Variants in CFAP299 observed in about 807,000 individuals in gnomAD.
CFAP299 encodes the protein cilia and flagella associated protein 299, also known as cilia- and flagella-associated protein 299.
CFAP299 carries 21 observed loss-of-function variants against 27.0 expected under a neutral mutation model. The ratio of observed to expected loss-of-function variants is 0.78; its 90% CI spans 0.55 to 1.12. The LOEUF (loss-of-function observed/expected upper bound fraction) is 1.12. Ranked by LOEUF, CFAP299 falls within the 50% of genes most tolerant of loss-of-function variation. The probability of loss-of-function intolerance (pLI) is 0.00; values close to 1 mark genes in which losing one functional copy is unlikely to be tolerated. For missense variants in CFAP299, 310 were observed against 276.6 expected (o/e 1.12, Z -0.86); for synonymous variants, 104 against 98.1 (o/e 1.06, Z -0.36).
At chr4:80,341,588 A>G (rs1477144660) in intron 1 of CFAP299, among the ~76,000 whole-genome samples, 7 of 152,198 alleles carry the variant, frequency 4.6e-5, no homozygotes, top group South Asian at 4.1e-4. Flanking sequence ...AAGCAGCCCT[A>G]TGGAAGAATG....
intron 3 of CFAP299, among the ~76,000 whole-genome samples, chr4:80,647,454 G>A (rs1740081501): frequency 6.6e-6 from 1 of 151,964 alleles, no homozygotes; most frequent in African/African-American, 2.4e-5. Flanking sequence ...TTTAAGATGT[G>A]GAGTCCAAAT....
At chr4:80,616,157 C>T (rs563822392) in intron 3 of CFAP299, among the ~76,000 whole-genome samples, 16 of 152,262 alleles carry the variant, frequency 1.1e-4, no homozygotes, top group African/African-American at 3.6e-4. Flanking sequence ...GTCTTCCCAA[C>T]TCAACTGTAA....
intron 1 of CFAP299, among the ~76,000 whole-genome samples, chr4:80,362,516 A>AC (rs1723600096): frequency 6.6e-6 from 1 of 150,972 alleles, no homozygotes; most frequent in South Asian, 2.1e-4. Context: ...AGCAATTGAC[A>AC]TTTTTTTTTC....
At chr4:80,704,374 A>C (rs1467520347) in intron 3 of CFAP299, among the ~76,000 whole-genome samples, 1 of 151,686 alleles carries the variant, frequency 6.6e-6, no homozygotes, top group African/African-American at 2.4e-5. Flanking sequence ...TGGTCACTTA[A>C]GAAGAGTAGA....
chr4:80,435,312 G>C lies in CFAP299; in HGVS notation c.242+72428G>C, dbSNP rs994665750. On this transcript the variant is annotated intron_variant, in intron 2 of 5. Transcript: ENST00000358105. ...CCTGAATGTATCTTCCATCCAGAGAGGGGGTGAGCAAGCACACAGGGTAAT... is the reference window on the plus strand; with the variant it reads ...CCTGAATGTATCTTCCATCCAGAGACGGGGTGAGCAAGCACACAGGGTAAT... Among the ~76,000 whole-genome samples the C allele has an allele frequency of 4.6e-5, 7 of 152,150 alleles. No homozygotes were observed. The East Asian group carries it at 1.4e-3, about 29-fold the overall frequency.
chr4:80,610,374 G>A (rs1737904010), intron 3 of CFAP299, among the ~76,000 whole-genome samples: 1 of 151,966 alleles, frequency 6.6e-6, no homozygotes, highest in South Asian at 2.1e-4. Context: ...TCACATTTAA[G>A]AAAGCAAGAG....
At chr4:80,846,674 A>T (rs1381363640) in intron 3 of CFAP299, among the ~76,000 whole-genome samples, 1 of 152,100 alleles carries the variant, frequency 6.6e-6, no homozygotes, top group Non-Finnish European at 1.5e-5. Context: ...AGTGGTTTTA[A>T]CCCATAATTA....
chr4:80,337,812 C>G (rs1476859952), intron 1 of CFAP299, among the ~76,000 whole-genome samples: 1 of 152,024 alleles, frequency 6.6e-6, no homozygotes, highest in East Asian at 1.9e-4. Flanking sequence ...TTTTGTTGTA[C>G]TTTCATAAAA....
At chr4:80,792,193 C>T (rs557372616) in intron 3 of CFAP299, among the ~76,000 whole-genome samples, 1 of 152,110 alleles carries the variant, frequency 6.6e-6, no homozygotes, top group South Asian at 2.1e-4. Context: ...TCCTTGGTAG[C>T]ACTGAGGTGT....
chr4:80,599,749 C>T (rs916326804), intron 3 of CFAP299, among the ~76,000 whole-genome samples: 9 of 151,932 alleles, frequency 5.9e-5, no homozygotes, highest in Non-Finnish European at 1.0e-4. Flanking sequence ...ACTGTTACAC[C>T]CACAGGGAAT....
chr4:80,366,179 C>A (rs1371885109), intron 2 of CFAP299, among the ~76,000 whole-genome samples: 1 of 152,200 alleles, frequency 6.6e-6, no homozygotes, highest in Non-Finnish European at 1.5e-5. Context: ...TGAAAATATG[C>A]ATGAACATCT....
At chr4:80,621,953 A>G (rs956540501) in intron 3 of CFAP299, among the ~76,000 whole-genome samples, 2 of 152,090 alleles carry the variant, frequency 1.3e-5, no homozygotes, top group Non-Finnish European at 1.5e-5. Flanking sequence ...CAGTTAGAAG[A>G]AAAACCAGTA....
At chr4:80,806,915 A>T (rs1728893386) in intron 3 of CFAP299, among the ~76,000 whole-genome samples, 1 of 152,204 alleles carries the variant, frequency 6.6e-6, no homozygotes, top group South Asian at 2.1e-4. Context: ...TTAACCATTT[A>T]AAGATGTTAG....
intron 2 of CFAP299, among the ~76,000 whole-genome samples, chr4:80,422,963 A>G (rs1197029928): frequency 6.6e-6 from 1 of 152,178 alleles, no homozygotes; most frequent in Non-Finnish European, 1.5e-5. Flanking sequence ...GCCCCTACAA[A>G]CCTACACAGC....
chr4:80,729,760 T>C (rs953446862), intron 3 of CFAP299, among the ~76,000 whole-genome samples: 8 of 151,616 alleles, frequency 5.3e-5, no homozygotes, highest in Non-Finnish European at 2.9e-5. Context: ...CCACCACACC[T>C]GGCTAATTTT....
At chr4:80,436,279 G>A (rs1313785536) in intron 2 of CFAP299, among the ~76,000 whole-genome samples, 2 of 151,784 alleles carry the variant, frequency 1.3e-5, no homozygotes, top group Non-Finnish European at 2.9e-5. Flanking sequence ...AACTTGATGG[G>A]TACAAAATGT....
At chr4:80,785,477 G>T (rs1727190374) in intron 3 of CFAP299, among the ~76,000 whole-genome samples, 1 of 152,072 alleles carries the variant, frequency 6.6e-6, no homozygotes. Context: ...AATTTCAATA[G>T]ATACTCTAGT....
rs188534740 is a variant in CFAP299, at chr4:80,549,358, G to C, written c.243-33735G>C. ...ATGGATTGTAGATATATTATAGATG[G>C]AAACTTAGGACTTGGTGAAGAGTGA... On this transcript the variant is annotated intron_variant, in intron 2 of 5. Transcript: ENST00000358105. Among the ~76,000 whole-genome samples, 137 of 152,250 alleles carry C rather than the reference G, an allele frequency of 9.0e-4. 1 individual carries two copies. Among genetic ancestry groups the C allele is most frequent in the African/African-American group, 3.1e-3 (129 of 41,556 alleles).
chr4:80,722,937 C>G (rs763671417), intron 3 of CFAP299, among the ~76,000 whole-genome samples: 1 of 151,814 alleles, frequency 6.6e-6, no homozygotes, highest in Non-Finnish European at 1.5e-5. Context: ...AAAAGTAGAA[C>G]AGATTTGAAC....
Sources: allele counts gnomAD v4.1 joint callset (sites outside exome capture counted in the v4.1 genomes callset), GRCh38; gene constraint gnomAD v4.1.1; transcripts MANE v1.5; gene names NCBI Gene and HGNC (gene_info 2026-07-23, HGNC 2026-07-21).